The following DTNA variants were observed in gnomAD, a reference collection of about 807,000 sequenced individuals.
DTNA encodes the protein dystrophin-related protein 3.
DTNA carries 43 observed loss-of-function variants against 100.7 expected under a neutral mutation model. The observed-to-expected ratio is 0.43, with a 90% CI of 0.33 to 0.55. DTNA has a LOEUF of 0.55. Among genes scored for constraint, DTNA ranks in the 20% least tolerant of loss-of-function variants. The pLI, the probability that DTNA is intolerant of heterozygous loss-of-function variation, is 0.04. For synonymous variants in DTNA, 349 were observed against 347.9 expected (o/e 1.00, Z -0.04); for missense variants, 798 against 953.9 (o/e 0.84, Z 2.15).
Position 34,720,168 on chromosome 18 carries a change from T to G in DTNA, c.-2+9723T>G, listed in dbSNP as rs151171337. 1.0e-3 allele frequency among the ~76,000 whole-genome samples: 158 copies of G among 152,190 alleles called. 1 individual carries two copies. Among genetic ancestry groups the G allele is most frequent in the African/African-American group, 3.5e-3 (146 of 41,506 alleles). On this transcript the variant is annotated intron_variant, in intron 1 of 22. Transcript: ENST00000444659. ...GGTCACAAAGTCAAAGTCAAGCAGGTGGACCCAGGCAGAACCCAACCAGAC... is the reference window on the plus strand; with the variant it reads ...GGTCACAAAGTCAAAGTCAAGCAGGGGGACCCAGGCAGAACCCAACCAGAC...
At chr18:34,580,553 G>T (rs184812079) in intron 1 of DTNA, among the ~76,000 whole-genome samples, 1 of 152,262 alleles carries the variant, frequency 6.6e-6, no homozygotes, top group Admixed American at 6.5e-5. Flanking sequence ...AGTGTGATTT[G>T]TCCTTGGCTT....
intron 2 of DTNA, among the ~76,000 whole-genome samples, chr18:34,763,392 G>C (rs1372693837): frequency 6.6e-6 from 1 of 152,130 alleles, no homozygotes; most frequent in Non-Finnish European, 1.5e-5. Context: ...AATTTTAAAA[G>C]ATTCAGAAAA....
At chr18:34,776,753 C>T (rs1178110723) in intron 3 of DTNA, among the ~76,000 whole-genome samples, 1 of 152,206 alleles carries the variant, frequency 6.6e-6, no homozygotes, top group Admixed American at 6.5e-5. Flanking sequence ...CCACTTCCCT[C>T]ATGGTAAAAG....
Position 34,794,328 on chromosome 18 carries a change from C to G in DTNA, c.362+78C>G, listed in dbSNP as rs185354484. On this transcript the variant is annotated intron_variant, in intron 4 of 22. Transcript: ENST00000444659. ...TGTCTTACTTGGTCTTTTTCCCAAA[C>G]AATTTTATATCTCTCTCTTTTTTTT... 510 of 1,474,402 alleles carry G rather than the reference C, an allele frequency of 3.5e-4. 1 individual carries two copies. In the African/African-American group the frequency reaches 6.2e-3, roughly 18 times the overall value. 91.3% of individuals were successfully genotyped at this position (1,474,402 alleles called of 1,614,324 possible).
chr18:34,840,680 G>A (rs1252916973), intron 13 of DTNA, among the ~76,000 whole-genome samples: 3 of 152,122 alleles, frequency 2.0e-5, no homozygotes, highest in Admixed American at 2.0e-4. Flanking sequence ...CCTTGCGTCT[G>A]CCTGATGAAA....
chr18:34,655,543 G>A (rs1189912461), intron 1 of DTNA, among the ~76,000 whole-genome samples: 4 of 152,154 alleles, frequency 2.6e-5, no homozygotes, highest in Non-Finnish European at 5.9e-5. Context: ...AGACTATTGT[G>A]CATTTTACCC....
At chr18:34,813,726 A>G (rs2095534146) in intron 6 of DTNA, among the ~76,000 whole-genome samples, 1 of 151,462 alleles carries the variant, frequency 6.6e-6, no homozygotes, top group Non-Finnish European at 1.5e-5. Context: ...GGTGGCAGGC[A>G]CCTGTAGTCC....
intron 1 of DTNA, among the ~76,000 whole-genome samples, chr18:34,600,346 T>G (rs1328368558): frequency 1.3e-5 from 2 of 152,190 alleles, no homozygotes; most frequent in Non-Finnish European, 2.9e-5. Context: ...ATCATGAAAG[T>G]TTTGTAAACC....
chr18:34,666,305 T>C (rs1335311807), intron 1 of DTNA, among the ~76,000 whole-genome samples: 1 of 152,114 alleles, frequency 6.6e-6, no homozygotes, highest in Non-Finnish European at 1.5e-5. Flanking sequence ...GAGTTCTTTA[T>C]AGATTCTGGA....
intron 1 of DTNA, among the ~76,000 whole-genome samples, chr18:34,516,248 T>C (rs1350043247): frequency 6.6e-6 from 1 of 152,106 alleles, no homozygotes; most frequent in African/African-American, 2.4e-5. Context: ...CAAGTTTTTA[T>C]TAGTGATTTT....
chr18:34,522,579 A>G (rs992149338), intron 1 of DTNA, among the ~76,000 whole-genome samples: 1 of 152,122 alleles, frequency 6.6e-6, no homozygotes, highest in Non-Finnish European at 1.5e-5. Flanking sequence ...GAAGTTTTGC[A>G]TGTGTTCTAT....
chr18:34,874,358 TGA>T (rs1234225681), intron 17 of DTNA, among the ~76,000 whole-genome samples: 1 of 152,236 alleles, frequency 6.6e-6, no homozygotes, highest in African/African-American at 2.4e-5. Flanking sequence ...CGCATGTGGC[TGA>T]CTTCTTTTGT....
chr18:34,688,331 G>A (rs927256718), intron 1 of DTNA, among the ~76,000 whole-genome samples: 1 of 152,136 alleles, frequency 6.6e-6, no homozygotes, highest in African/African-American at 2.4e-5. Context: ...TTGTAAGGCA[G>A]GCCTGATGGT....
intron 17 of DTNA, chr18:34,866,244 A>G: frequency 6.2e-7 from 1 of 1,601,778 alleles, no homozygotes; most frequent in Middle Eastern, 1.8e-4. Flanking sequence ...TTGGAAAGAG[A>G]AAAAAGTCAT....
At position 34,642,449 on chromosome 18, in the gene DTNA, A is replaced by C. The variant is rs140261510; in HGVS notation, c.-1-113527A>C. 4.3e-3 allele frequency among the ~76,000 whole-genome samples: 660 copies of C among 152,244 alleles called. 7 individuals are homozygous for C. Among genetic ancestry groups the C allele is most frequent in the Admixed American group, 0.02 (309 of 15,302 alleles). Reference sequence around the variant, plus strand: ...TCTTACTACCTTGGTAGAGGAGAACAACTTTCACATTCCACTTTACTTCAG... The same window carrying C: ...TCTTACTACCTTGGTAGAGGAGAACCACTTTCACATTCCACTTTACTTCAG... On this transcript the variant is annotated intron_variant, in intron 1 of 19. Transcript: ENST00000283365.
intron 15 of DTNA, among the ~76,000 whole-genome samples, chr18:34,852,267 G>T (rs1305267435): frequency 6.6e-6 from 1 of 152,082 alleles, no homozygotes; most frequent in African/African-American, 2.4e-5. Flanking sequence ...TAGGTAGAAG[G>T]TGTCTCTACC....
At chr18:34,594,012 C>A (rs1247601245) in intron 1 of DTNA, among the ~76,000 whole-genome samples, 3 of 152,030 alleles carry the variant, frequency 2.0e-5, no homozygotes, top group East Asian at 3.9e-4. Flanking sequence ...GCGTAAGGAG[C>A]CTTTAGAAGA....
chr18:34,493,756 C>T (rs947422676), intron 1 of DTNA: 53 of 148,806 alleles, frequency 3.6e-4, no homozygotes, highest in African/African-American at 1.2e-3. Flanking sequence ...GGCGCTGGAG[C>T]AAGGGCAGGC....
At chr18:34,529,994 C>T (rs1466723882) in intron 1 of DTNA, among the ~76,000 whole-genome samples, 4 of 152,118 alleles carry the variant, frequency 2.6e-5, no homozygotes, top group Non-Finnish European at 4.4e-5. Flanking sequence ...TCTTTGAATA[C>T]ATAGATATGA....
Sources: allele counts gnomAD v4.1 joint callset (sites outside exome capture counted in the v4.1 genomes callset), GRCh38; gene constraint gnomAD v4.1.1; transcripts MANE v1.5; gene names NCBI Gene and HGNC (gene_info 2026-07-23, HGNC 2026-07-21).